TBCD: variants seen among roughly 807,000 people sequenced by gnomAD.
TBCD encodes the protein tubulin folding cofactor D, also known as tubulin-specific chaperone D.
Under a neutral mutation model 169.3 loss-of-function variants are expected in TBCD, and 105 were observed. That is an observed-to-expected ratio of 0.62 (90% CI 0.53 to 0.73). TBCD has a LOEUF of 0.73. TBCD is among the 30% of genes least tolerant of loss of function. The pLI, the probability that TBCD is intolerant of heterozygous loss-of-function variation, is 0.00. For missense variants in TBCD, 1,444 were observed against 1,600.1 expected (o/e 0.90, Z 1.66); for synonymous variants, 700 against 643.9 (o/e 1.09, Z -1.32).
rs1164086857 is a variant in TBCD at position 82,887,166 on chromosome 17, T to TGCGC, written c.1534-2501_1534-2500insCGCG. Among the ~76,000 whole-genome samples the TGCGC allele has an allele frequency of 1.6e-4, 18 of 109,146 alleles. No individual in the cohort carries two copies. In the South Asian group the frequency reaches 2.3e-3, roughly 14 times the overall value. The allele number at this position is 109,146 out of a possible 152,430, so 71.6% of individuals were successfully genotyped here. Reference sequence around the variant, plus strand: ...GTGTGTGTGTGTGTGTGTGTGTGTGTGTGCGCGCGCGCGCACGTGCGCTCA... The same window carrying TGCGC: ...GTGTGTGTGTGTGTGTGTGTGTGTGTGCGCGTGCGCGCGCGCGCACGTGCGCTCA... On this transcript the variant is annotated intron_variant, in intron 15 of 38. Coordinates refer to ENST00000355528, the MANE Select transcript of TBCD (RefSeq NM_005993.5).
At position 82,764,049 on chromosome 17, in the gene TBCD, A is replaced by G. The variant is rs747070586; in HGVS notation, c.320A>G (p.Tyr107Cys). ...GTACATCTGGCTTTTAAATTTCTTTACATCATCACCAAGGTAACATTTCCA... is the reference window on the plus strand; with the variant it reads ...GTACATCTGGCTTTTAAATTTCTTTGCATCATCACCAAGGTAACATTTCCA... ...SLVHLAFKFLYIITKVRGYKT... is the reference protein window; with the variant it reads ...SLVHLAFKFLCIITKVRGYKT... Residue 107 changes from tyrosine (Y) to cysteine (C), a missense_variant, in exon 3 of 39, where the codon TAC becomes TGC. Physicochemically the swap from Tyr to Cys is radical, Grantham distance 194. Transcript: ENST00000355528. The G allele has an allele frequency of 2.8e-5, 45 of 1,613,388 alleles. No individual in the cohort carries two copies. The highest frequency in any genetic ancestry group is 3.8e-5 in the Non-Finnish European group (45 of 1,179,434).
Position 82,905,407 on chromosome 17 carries a change from C to T in TBCD, c.1805-529C>T, listed in dbSNP as rs116784248. ...GGGCCATCTGCATCACCACGGGTGC[C>T]GTCCTGGGCACTGGGGTGATGACCC... On this transcript the variant is annotated intron_variant, in intron 19 of 38. Transcript: ENST00000355528. 2.0e-3 allele frequency among the ~76,000 whole-genome samples: 309 copies of T among 152,312 alleles called. 1 individual carries two copies. The highest frequency in any genetic ancestry group is 7.2e-3 in the African/African-American group (298 of 41,534).
intron 13 of TBCD, among the ~76,000 whole-genome samples, chr17:82,818,801 T>C (rs1448211393): frequency 6.6e-6 from 1 of 152,138 alleles, no homozygotes; most frequent in Non-Finnish European, 1.5e-5. Flanking sequence ...GCACGGCGGC[T>C]CATGCCTATA....
At chr17:82,886,944 C>T (rs2058754207) in intron 15 of TBCD, among the ~76,000 whole-genome samples, 1 of 151,646 alleles carries the variant, frequency 6.6e-6, no homozygotes, top group African/African-American at 2.4e-5. Flanking sequence ...GCTGGGATTA[C>T]AGACGTGAGC....
intron 13 of TBCD, chr17:82,830,661 G>A: frequency 1.2e-6 from 2 of 1,614,158 alleles, no homozygotes; most frequent in Non-Finnish European, 1.7e-6. Context: ...CCGAGAGATT[G>A]AGTGGAAGGT....
chr17:82,910,710 T>C (rs2060575626), intron 22 of TBCD, among the ~76,000 whole-genome samples: 1 of 151,966 alleles, frequency 6.6e-6, no homozygotes, highest in Non-Finnish European at 1.5e-5. Flanking sequence ...GGACTACAGG[T>C]GCCCCCCATC....
intron 13 of TBCD, among the ~76,000 whole-genome samples, chr17:82,868,903 AGCGG>A (rs1360651282): frequency 7.9e-5 from 12 of 151,572 alleles, no homozygotes; most frequent in South Asian, 4.2e-4. Flanking sequence ...GTGTGCGTGG[AGCGG>A]GTCGTGTGCA....
At chr17:82,916,031 T>G (rs1280861467) in intron 23 of TBCD, among the ~76,000 whole-genome samples, 1 of 152,240 alleles carries the variant, frequency 6.6e-6, no homozygotes, top group Admixed American at 6.5e-5. Context: ...CGGATTTACC[T>G]GTACAGATAC....
At chr17:82,842,496 C>G (rs2054602879) in intron 13 of TBCD, among the ~76,000 whole-genome samples, 1 of 152,158 alleles carries the variant, frequency 6.6e-6, no homozygotes, top group Non-Finnish European at 1.5e-5. Flanking sequence ...GTCTGCCTTC[C>G]CCGTCACCCA....
At chr17:82,776,793 C>T (rs2048626982) in intron 6 of TBCD, among the ~76,000 whole-genome samples, 1 of 152,164 alleles carries the variant, frequency 6.6e-6, no homozygotes, top group Admixed American at 6.5e-5. Context: ...CACCTGGTGG[C>T]TCTCAGCTGC....
chr17:82,781,133 G>GT (rs2048919408), intron 6 of TBCD, among the ~76,000 whole-genome samples: 1 of 152,084 alleles, frequency 6.6e-6, no homozygotes, highest in Non-Finnish European at 1.5e-5. Flanking sequence ...CATGGCAGGT[G>GT]TGGGGGAGGG....
intron 9 of TBCD, among the ~76,000 whole-genome samples, chr17:82,802,454 G>A (rs2050641301): frequency 6.6e-6 from 1 of 152,182 alleles, no homozygotes; most frequent in African/African-American, 2.4e-5. Flanking sequence ...GCTGCTGTGG[G>A]GAATGTTCAG....
At chr17:82,765,613 A>G (rs1294990069) in intron 3 of TBCD, among the ~76,000 whole-genome samples, 4 of 152,204 alleles carry the variant, frequency 2.6e-5, no homozygotes, top group Admixed American at 6.5e-5. Context: ...AAGGACACGC[A>G]GGCCTCTGTA....
rs2047134623 is a variant in TBCD, at chr17:82,752,207, A to G, written c.14A>G (p.Asp5Gly). 11 of 1,522,144 alleles carry G rather than the reference A, an allele frequency of 7.2e-6. No individual in the cohort carries two copies. The highest frequency in any genetic ancestry group is 1.4e-5 in the African/African-American group (1 of 69,404). 94.3% of individuals were successfully genotyped at this position (1,522,144 alleles called of 1,614,324 possible). A position where few individuals can be genotyped will look rare whatever the true frequency, so the allele number is the denominator to read the frequency against. MALSDEPAAGGPEEE... is the reference protein window; with the variant it reads MALSGEPAAGGPEEE... ...CAGGCTGCCGAGATGGCCCTGAGCG[A>G]CGAACCGGCCGCGGGCGGCCCCGAG... Residue 5 changes from aspartate to glycine, a missense_variant, in exon 1 of 39, where the codon GAC becomes GGC. Asp to Gly is a moderately conservative substitution (Grantham distance 94, BLOSUM62 -1). Transcript: ENST00000355528.
intron 7 of TBCD, among the ~76,000 whole-genome samples, chr17:82,786,819 T>C (rs1219295914): frequency 2.9e-5 from 3 of 104,632 alleles, no homozygotes; most frequent in Admixed American, 1.1e-4. Context: ...TTCGGTTCTT[T>C]ACTTTTTTTT....
At chr17:82,906,505 T>C (rs1434253418) in intron 20 of TBCD, among the ~76,000 whole-genome samples, 2 of 152,260 alleles carry the variant, frequency 1.3e-5, no homozygotes, top group Non-Finnish European at 2.9e-5. Context: ...CAGTTGGCTA[T>C]GTTTGTACAA....
At chr17:82,794,815 T>C (rs74552029) in intron 7 of TBCD, among the ~76,000 whole-genome samples, 7,489 of 152,336 alleles carry the variant, frequency 0.049, 373 homozygotes, top group African/African-American at 0.13. Context: ...GGCTTTTCTC[T>C]GTGTGTGCTG....
At chr17:82,937,238 A>G (rs770415338) in intron 34 of TBCD, 33 bp from the exon 35 acceptor site, 6 of 1,605,370 alleles carry the variant, frequency 3.7e-6, no homozygotes, top group Non-Finnish European at 5.1e-6. Flanking sequence ...TGCCTGTGAA[A>G]GCTCATCTCT....
At chr17:82,846,206 CGG>C (rs2055029848) in intron 13 of TBCD, among the ~76,000 whole-genome samples, 1 of 151,952 alleles carries the variant, frequency 6.6e-6, no homozygotes, top group Non-Finnish European at 1.5e-5. Context: ...GTGCTGCGTC[CGG>C]CATGCCACGT....
Sources: gnomAD v4.1 joint callset for allele counts (sites outside exome capture counted in the v4.1 genomes callset) on GRCh38, gnomAD v4.1.1 for gene constraint, MANE v1.5 for transcripts, NCBI Gene and HGNC (gene_info 2026-07-23, HGNC 2026-07-21) for gene names.